The following TMEM245 variants were observed in gnomAD, a reference collection of about 807,000 sequenced individuals.
TMEM245 encodes the protein transmembrane protein 245, also known as protein CG-2.
A neutral mutation model predicts 101.2 loss-of-function variants in TMEM245; 69 were observed. The ratio of observed to expected loss-of-function variants is 0.68; its 90% CI spans 0.56 to 0.83. The LOEUF (loss-of-function observed/expected upper bound fraction) is 0.83. TMEM245 is among the 40% of genes least tolerant of loss of function. The pLI, the probability that TMEM245 is intolerant of heterozygous loss-of-function variation, is 0.00. For missense variants in TMEM245, 1,075 were observed against 1,092.8 expected (o/e 0.98, Z 0.23); for synonymous variants, 537 against 449.8 (o/e 1.19, Z -2.45).
Position 109,060,358 on chromosome 9 carries a change from A to G in TMEM245, c.1718T>C (p.Val573Ala). 6.2e-7 allele frequency: 1 copy of G among 1,608,410 alleles called. No homozygotes were observed. Among genetic ancestry groups the G allele is most frequent in the Non-Finnish European group, 8.5e-7 (1 of 1,177,772 alleles). Reference protein sequence around the residue: ...LWDRLYHSWFVKNVTHSGRHK... With the variant: ...LWDRLYHSWFAKNVTHSGRHK... ...ACTTTAGCTAAAATAACTTACCTTTACAAACCAAGAGTGATACAGTCTGTC... is the reference window on the plus strand; with the variant it reads ...ACTTTAGCTAAAATAACTTACCTTTGCAAACCAAGAGTGATACAGTCTGTC... The change falls in exon 11 of 18, where the codon GTA becomes GCA. Residue 573 changes from valine to alanine, a missense_variant. Val to Ala is a moderately conservative substitution (Grantham distance 64, BLOSUM62 0). This residue lies in a region of TMEM245 where 808 missense variants were observed against 741.5 expected (regional missense o/e 1.09). Transcript: ENST00000374586.
At position 109,093,469 on chromosome 9, in the gene TMEM245, A is replaced by G; in HGVS notation, c.916+6T>C. The stretch of plus-strand genomic sequence containing the variant: ...TAACCTTGAATGTCACCAGAACATC[A>G]GTCACCTGCAGGCTGAGTGGAGGGC... On this transcript the variant is annotated splice_donor_region_variant and intron_variant, in intron 4 of 17. Transcript: ENST00000374586. 1 of 1,605,562 alleles carries G rather than the reference A, an allele frequency of 6.2e-7. No homozygotes were observed. The highest frequency in any genetic ancestry group is 8.5e-7 in the Non-Finnish European group (1 of 1,175,578).
chr9:109,062,720 T>C (rs912792857), intron 10 of TMEM245, among the ~76,000 whole-genome samples: 9 of 152,176 alleles, frequency 5.9e-5, no homozygotes, highest in Admixed American at 2.6e-4. Context: ...CTTGTAATCA[T>C]AGCACTTTGG....
chr9:109,043,749 C>G (rs1588028866), intron 14 of TMEM245, among the ~76,000 whole-genome samples: 1 of 152,156 alleles, frequency 6.6e-6, no homozygotes, highest in African/African-American at 2.4e-5. Flanking sequence ...ATTCATAGAC[C>G]TCCCATTACT....
intron 17 of TMEM245, among the ~76,000 whole-genome samples, chr9:109,025,887 G>T (rs1827777000): frequency 6.6e-6 from 1 of 152,226 alleles, no homozygotes; most frequent in Non-Finnish European, 1.5e-5. Flanking sequence ...ACTATCAACA[G>T]TGAGCAGCAG....
chr9:109,099,696 T>C (rs1018924502), intron 3 of TMEM245, among the ~76,000 whole-genome samples: 1 of 152,170 alleles, frequency 6.6e-6, no homozygotes, highest in Non-Finnish European at 1.5e-5. Flanking sequence ...GAGATAACAA[T>C]GCTAGTGTAC....
At chr9:109,025,332 A>T (rs1285359907) in intron 17 of TMEM245, among the ~76,000 whole-genome samples, 1 of 152,172 alleles carries the variant, frequency 6.6e-6, no homozygotes, top group African/African-American at 2.4e-5. Flanking sequence ...TGGCCTACCA[A>T]AGTGCTGGGA....
chr9:109,116,042 A>AAAT (rs1250250685), intron 1 of TMEM245, among the ~76,000 whole-genome samples: 1 of 152,314 alleles, frequency 6.6e-6, no homozygotes, highest in East Asian at 1.9e-4. Flanking sequence ...TGAGAGAATG[A>AAAT]AATAACACCC....
chr9:109,084,822 C>A (rs1231769999), intron 7 of TMEM245, among the ~76,000 whole-genome samples: 1 of 152,206 alleles, frequency 6.6e-6, no homozygotes, highest in Non-Finnish European at 1.5e-5. Context: ...GAGACATACA[C>A]AACCATGTGA....
chr9:109,104,324 T>C (rs551859237), intron 3 of TMEM245, among the ~76,000 whole-genome samples: 1 of 152,204 alleles, frequency 6.6e-6, no homozygotes, highest in South Asian at 2.1e-4. Flanking sequence ...ACCTACTATG[T>C]AGCCACAAAA....
At chr9:109,056,273 A>G (rs143027841) in intron 12 of TMEM245, among the ~76,000 whole-genome samples, 74 of 152,104 alleles carry the variant, frequency 4.9e-4, no homozygotes, top group African/African-American at 1.7e-3. Context: ...CTGCCTTTTC[A>G]GTTATGGTCA....
chr9:109,072,914 G>T (rs1053573696), intron 9 of TMEM245, among the ~76,000 whole-genome samples: 9 of 152,128 alleles, frequency 5.9e-5, no homozygotes, highest in Non-Finnish European at 1.5e-5. Flanking sequence ...TGTTATAGTG[G>T]AAACTTTCCT....
At chr9:109,099,097 C>T (rs139449730) in intron 3 of TMEM245, among the ~76,000 whole-genome samples, 1,749 of 152,228 alleles carry the variant, frequency 0.011, 15 homozygotes, top group South Asian at 0.031. Flanking sequence ...AAGCAGGCAC[C>T]GCATACCAAA....
chr9:109,079,183 T>C lies in TMEM245; in HGVS notation c.1449+1656A>G, dbSNP rs993841742. 3.9e-5 allele frequency among the ~76,000 whole-genome samples: 6 copies of C among 152,130 alleles called. No individual in the cohort carries two copies. In the East Asian group the frequency reaches 9.6e-4, roughly 24 times the overall value. ...TGCCTACCTGGTCATTTTCTAATGC[T>C]TTTAAATGGTGTTTTTAATAATTTC... On this transcript the variant is annotated intron_variant, in intron 8 of 17. Coordinates refer to ENST00000374586, the MANE Select transcript of TMEM245 (RefSeq NM_032012.4).
intron 9 of TMEM245, among the ~76,000 whole-genome samples, chr9:109,068,369 CAAA>C (rs34301291): frequency 2.0e-4 from 21 of 102,940 alleles, no homozygotes; most frequent in Admixed American, 2.0e-4. Flanking sequence ...GACACCATCT[CAAA>C]AAAAAAAAAA....
chr9:109,074,490 G>A (rs1027547893), intron 8 of TMEM245, among the ~76,000 whole-genome samples: 5 of 152,112 alleles, frequency 3.3e-5, no homozygotes, highest in South Asian at 2.1e-4. Flanking sequence ...AAGCCACATC[G>A]TTATCCTTTT....
At position 109,091,172 on chromosome 9, in the gene TMEM245, A is replaced by G. The variant is rs773478912; in HGVS notation, c.917-17T>C. 1 of 1,604,922 alleles carries G rather than the reference A, an allele frequency of 6.2e-7. No individual in the cohort carries two copies. The highest frequency in any genetic ancestry group is 8.5e-7 in the Non-Finnish European group (1 of 1,173,174). On this transcript the variant is annotated splice_polypyrimidine_tract_variant and intron_variant, in intron 4 of 17. Transcript: ENST00000374586. ...CCACTGCTTCTGAAAAGGAAAAGAAAAACACCACACACCGCATTAGTCCAC... is the reference window on the plus strand; with the variant it reads ...CCACTGCTTCTGAAAAGGAAAAGAAGAACACCACACACCGCATTAGTCCAC...
intron 3 of TMEM245, among the ~76,000 whole-genome samples, chr9:109,101,102 G>A (rs564326417): frequency 2.6e-5 from 4 of 152,234 alleles, no homozygotes; most frequent in South Asian, 4.1e-4. Context: ...GCAACAGAGC[G>A]AGTCTTAGTC....
chr9:109,074,483 C>G (rs1044228715), intron 8 of TMEM245, among the ~76,000 whole-genome samples: 3 of 152,080 alleles, frequency 2.0e-5, no homozygotes, highest in African/African-American at 7.2e-5. Flanking sequence ...AGAAAAGAAG[C>G]CACATCGTTA....
In TMEM245 at chr9:109,073,426, T is replaced by G; in HGVS notation, c.1462A>C (p.Ser488Arg). The change falls in exon 9 of 18, where the codon AGT (serine) becomes CGT (arginine). Residue 488 changes from serine (S) to arginine (R), a missense_variant. By Grantham distance (110) the Ser-to-Arg change is moderately radical. Transcript: ENST00000374586. ...LLLTAKVHQE[S>R]VHMIEVTSNL... ...CTTGTGACTTCAATCATGTGTACAC[T>G]CTCTTGATGTACCTGTATTACAGAT... 1.2e-6 allele frequency: 2 copies of G among 1,606,524 alleles called. No individual in the cohort carries two copies. Among genetic ancestry groups the G allele is most frequent in the Non-Finnish European group, 1.7e-6 (2 of 1,174,380 alleles).
Sources: gnomAD v4.1 joint callset for allele counts (sites outside exome capture counted in the v4.1 genomes callset) on GRCh38, gnomAD v4.1.1 for gene constraint, gnomAD v4.1.1 regional missense constraint, MANE v1.5 for transcripts, NCBI Gene and HGNC (gene_info 2026-07-23, HGNC 2026-07-21) for gene names.